Variants in PCDH15 observed in about 807,000 individuals in gnomAD.
PCDH15 encodes protocadherin-15.
PCDH15 carries 129 observed loss-of-function variants against 178.5 expected under a neutral mutation model. The observed-to-expected ratio is 0.72, with a 90% CI of 0.63 to 0.84. The LOEUF is 0.84. Among genes scored for constraint, PCDH15 ranks in the 40% least tolerant of loss-of-function variants. PCDH15 has a pLI of 0.00. For missense variants in PCDH15, 2,230 were observed against 2,099.9 expected (o/e 1.06, Z -1.21); for synonymous variants, 800 against 732.0 (o/e 1.09, Z -1.50).
chr10:54,763,048 G>A (rs762699369), intron 1 of PCDH15, among the ~76,000 whole-genome samples: 1 of 152,100 alleles, frequency 6.6e-6, no homozygotes, highest in Non-Finnish European at 1.5e-5. Flanking sequence ...TTCAGCTAAG[G>A]TATACATCAC....
At chr10:55,369,792 G>A (rs1320926541) in intron 2 of PCDH15, among the ~76,000 whole-genome samples, 1 of 151,688 alleles carries the variant, frequency 6.6e-6, no homozygotes, top group Non-Finnish European at 1.5e-5. Flanking sequence ...CATGTAATTG[G>A]TCAGCCAATT....
In PCDH15 at chr10:53,840,481, A is replaced by G. The variant is rs148548987; in HGVS notation, c.3822T>C (p.Tyr1274=). The G allele has an allele frequency of 4.8e-5, 78 of 1,613,970 alleles. No individual in the cohort carries two copies. The highest frequency in any genetic ancestry group is 6.3e-5 in the Non-Finnish European group (74 of 1,179,856). The part of the protein sequence containing the change: ...IEDLTEILDR[Y]VQEQIPGAKV... ...TGGCACCAGGAATTTGTTCCTGAAC[A>G]TAGCGATCCAAGATCCTATAAATCA... Residue 1274 remains tyrosine (Y), a synonymous_variant, in exon 29 of 38, where the codon TAT becomes TAC. Coordinates refer to ENST00000644397, the MANE Select transcript of PCDH15 (RefSeq NM_001384140.1).
chr10:55,061,029 T>C (rs2131999121), intron 2 of PCDH15, among the ~76,000 whole-genome samples: 1 of 152,262 alleles, frequency 6.6e-6, no homozygotes, highest in South Asian at 2.1e-4. Flanking sequence ...CAATGATTTT[T>C]TAGATACAAA....
intron 18 of PCDH15, among the ~76,000 whole-genome samples, chr10:54,054,875 AAG>A (rs1292639468): frequency 6.6e-6 from 1 of 152,152 alleles, no homozygotes; most frequent in Non-Finnish European, 1.5e-5. Flanking sequence ...TTGGCTTAAA[AAG>A]AGAACTCATA....
intron 1 of PCDH15, among the ~76,000 whole-genome samples, chr10:54,699,706 G>A (rs1194909973): frequency 1.3e-5 from 2 of 151,922 alleles, no homozygotes; most frequent in East Asian, 3.9e-4. Context: ...TATATTGAAT[G>A]TCAGGAGAAA....
intron 2 of PCDH15, among the ~76,000 whole-genome samples, chr10:55,503,588 T>G (rs1019695828): frequency 2.6e-5 from 4 of 151,230 alleles, no homozygotes; most frequent in Non-Finnish European, 5.9e-5. Flanking sequence ...ATTGGTAATA[T>G]TGTGAGAATA....
intron 14 of PCDH15, among the ~76,000 whole-genome samples, chr10:54,137,257 T>A (rs1311433074): frequency 6.6e-6 from 1 of 152,184 alleles, no homozygotes; most frequent in South Asian, 2.1e-4. Flanking sequence ...ATAAGAAAAA[T>A]TTTATTTTTG....
intron 14 of PCDH15, among the ~76,000 whole-genome samples, chr10:54,143,133 T>C (rs1295372143): frequency 2.6e-5 from 4 of 152,158 alleles, no homozygotes; most frequent in African/African-American, 7.2e-5. Context: ...TTAGTTGTTA[T>C]GTTAGAATTA....
chr10:54,447,060 T>C (rs1327801361), intron 3 of PCDH15, among the ~76,000 whole-genome samples: 4 of 151,568 alleles, frequency 2.6e-5, no homozygotes, highest in African/African-American at 9.7e-5. Context: ...CTTTCTCTTA[T>C]TGTTAAGACA....
intron 3 of PCDH15, among the ~76,000 whole-genome samples, chr10:54,856,829 G>A (rs1953750016): frequency 6.6e-6 from 1 of 152,102 alleles, no homozygotes; most frequent in Non-Finnish European, 1.5e-5. Context: ...ACCACCTCTA[G>A]GTATCTATAT....
At chr10:55,186,391 A>T (rs2035750326) in intron 1 of PCDH15, among the ~76,000 whole-genome samples, 1 of 151,262 alleles carries the variant, frequency 6.6e-6, no homozygotes, top group Admixed American at 6.6e-5. Flanking sequence ...AGAAGATTTC[A>T]ACATCTGCCA....
chr10:55,012,876 C>G (rs955999417), intron 2 of PCDH15, among the ~76,000 whole-genome samples: 1 of 152,090 alleles, frequency 6.6e-6, no homozygotes, highest in Non-Finnish European at 1.5e-5. Flanking sequence ...ATATATGACT[C>G]TAGTCCAGAC....
At chr10:55,562,510 T>C (rs949385109) in intron 2 of PCDH15, among the ~76,000 whole-genome samples, 1 of 151,980 alleles carries the variant, frequency 6.6e-6, no homozygotes, top group Non-Finnish European at 1.5e-5. Context: ...ACTGACTGTA[T>C]AAACCCAGCT....
At chr10:55,021,255 T>C (rs533467836) in intron 2 of PCDH15, among the ~76,000 whole-genome samples, 151 of 152,328 alleles carry the variant, frequency 9.9e-4, no homozygotes, top group African/African-American at 3.5e-3. Flanking sequence ...CATCTCTTTC[T>C]GGTATTATTT....
In PCDH15 at chr10:54,084,929, C is replaced by G. The variant is rs896907799; in HGVS notation, c.1997+5055G>C. ...TGATATTTAAAGAGATTAGAGTATA[C>G]TTTAAAATGTACAGTTGCTTCAAGT... On this transcript the variant is annotated intron_variant, in intron 16 of 37. Transcript: ENST00000644397. Among the ~76,000 whole-genome samples the G allele has an allele frequency of 2.6e-5, 4 of 152,056 alleles. No homozygotes were observed. The East Asian group carries it at 5.8e-4, about 22-fold the overall frequency.
chr10:55,477,980 C>G (rs1015688703), intron 2 of PCDH15, among the ~76,000 whole-genome samples: 1 of 151,536 alleles, frequency 6.6e-6, no homozygotes, highest in East Asian at 1.9e-4. Flanking sequence ...CTGAAATTGA[C>G]AGATGGAAAA....
chr10:54,099,728 C>T (rs2094774636), intron 15 of PCDH15, among the ~76,000 whole-genome samples: 1 of 151,728 alleles, frequency 6.6e-6, no homozygotes, highest in Non-Finnish European at 1.5e-5. Flanking sequence ...AATATATGTA[C>T]TGCTAGAAAT....
At chr10:55,387,614 A>G (rs1231853445) in intron 2 of PCDH15, among the ~76,000 whole-genome samples, 2 of 152,022 alleles carry the variant, frequency 1.3e-5, no homozygotes, top group Non-Finnish European at 2.9e-5. Flanking sequence ...ACACACCTAT[A>G]CCTCTCTTGT....
intron 17 of PCDH15, among the ~76,000 whole-genome samples, chr10:54,070,331 G>A (rs1036846110): frequency 3.9e-5 from 6 of 152,014 alleles, no homozygotes; most frequent in Admixed American, 1.3e-4. Context: ...AGCCTCCTGA[G>A]TAGCTGGGAT....
Sources: gnomAD v4.1 joint callset for allele counts (sites outside exome capture counted in the v4.1 genomes callset) on GRCh38, gnomAD v4.1.1 for gene constraint, MANE v1.5 for transcripts, NCBI Gene and HGNC (gene_info 2026-07-23, HGNC 2026-07-21) for gene names.